SLC35F1: variants seen among roughly 807,000 people sequenced by gnomAD.
SLC35F1 encodes chromosome 6 open reading frame 169.
A neutral mutation model predicts 48.7 loss-of-function variants in SLC35F1; 14 were observed. The observed-to-expected ratio is 0.29, with a 90% CI of 0.19 to 0.45. The LOEUF is 0.45. Among genes scored for constraint, SLC35F1 ranks in the 20% least tolerant of loss-of-function variants. The probability of loss-of-function intolerance (pLI) is 1.00; values close to 1 mark genes in which losing one functional copy is unlikely to be tolerated. For missense variants in SLC35F1, 404 were observed against 500.0 expected (o/e 0.81, Z 1.83); for synonymous variants, 190 against 202.2 (o/e 0.94, Z 0.51).
intron 1 of SLC35F1, among the ~76,000 whole-genome samples, chr6:118,019,555 G>A (rs143893923): frequency 0.01 from 1,562 of 152,282 alleles, 73 homozygotes; most frequent in Admixed American, 0.086. Flanking sequence ...CTGGGAGGCA[G>A]AGGGTGCAGT....
At chr6:118,298,598 C>G (rs777484926) in intron 7 of SLC35F1, among the ~76,000 whole-genome samples, 3 of 152,152 alleles carry the variant, frequency 2.0e-5, no homozygotes, top group Non-Finnish European at 2.9e-5. Context: ...CACCCAAACA[C>G]CACTTCAATA....
chr6:118,033,446 T>C (rs897146363), intron 1 of SLC35F1, among the ~76,000 whole-genome samples: 2 of 152,192 alleles, frequency 1.3e-5, no homozygotes, highest in African/African-American at 4.8e-5. Context: ...ATAAAACCTC[T>C]GAGGCATTAT....
intron 1 of SLC35F1, among the ~76,000 whole-genome samples, chr6:118,116,274 CA>C (rs778584674): frequency 2.0e-5 from 3 of 152,126 alleles, no homozygotes; most frequent in Non-Finnish European, 4.4e-5. Context: ...AAGTTATCGG[CA>C]GATTTGTTTA....
At chr6:118,092,457 C>T (rs375137021) in intron 1 of SLC35F1, among the ~76,000 whole-genome samples, 2 of 152,340 alleles carry the variant, frequency 1.3e-5, no homozygotes. Context: ...TCTGCTAGGG[C>T]TATGTGAAAG....
intron 1 of SLC35F1, among the ~76,000 whole-genome samples, chr6:118,092,927 C>T (rs1773095950): frequency 6.6e-6 from 1 of 152,118 alleles, no homozygotes. Flanking sequence ...AAAGGACTTG[C>T]CTTGTCTCAG....
intron 2 of SLC35F1, among the ~76,000 whole-genome samples, chr6:118,188,488 T>G (rs1213546123): frequency 1.3e-5 from 2 of 151,382 alleles, no homozygotes; most frequent in African/African-American, 4.9e-5. Context: ...AGGCAGAGGT[T>G]GCGGTGAGCC....
At chr6:118,059,536 T>A (rs1772507678) in intron 1 of SLC35F1, among the ~76,000 whole-genome samples, 1 of 152,198 alleles carries the variant, frequency 6.6e-6, no homozygotes, top group Admixed American at 6.6e-5. Flanking sequence ...TTCCAAAACC[T>A]CAGTGGCTTA....
At chr6:118,141,300 G>A (rs1773885830) in intron 1 of SLC35F1, among the ~76,000 whole-genome samples, 1 of 152,182 alleles carries the variant, frequency 6.6e-6, no homozygotes, top group Admixed American at 6.5e-5. Flanking sequence ...ACTGCATACA[G>A]TATTCAGTAC....
intron 7 of SLC35F1, among the ~76,000 whole-genome samples, chr6:118,296,618 GTACAAAAATCTAT>G (rs1776187770): frequency 6.6e-6 from 1 of 152,182 alleles, no homozygotes; most frequent in Non-Finnish European, 1.5e-5. Context: ...AAAGTTCCTT[GTACAAAAATCTAT>G]TCATGAACTC....
chr6:118,085,388 A>G (rs2114329971), intron 1 of SLC35F1, among the ~76,000 whole-genome samples: 1 of 150,112 alleles, frequency 6.7e-6, no homozygotes, highest in South Asian at 2.2e-4. Context: ...CAAATTCATT[A>G]GTAATGTCCT....
intron 1 of SLC35F1, among the ~76,000 whole-genome samples, chr6:118,076,250 A>G (rs763800507): frequency 6.6e-6 from 1 of 152,230 alleles, no homozygotes; most frequent in Non-Finnish European, 1.5e-5. Flanking sequence ...TAATGTTTAC[A>G]TTTAAATACT....
At chr6:118,292,318 G>A (rs1037888357) in intron 7 of SLC35F1, among the ~76,000 whole-genome samples, 1 of 152,110 alleles carries the variant, frequency 6.6e-6, no homozygotes, top group Non-Finnish European at 1.5e-5. Flanking sequence ...AAGTTTACGA[G>A]CTTATTGCTA....
intron 2 of SLC35F1, 135 bp downstream of exon 2, chr6:118,154,755 G>T (rs1024597694): frequency 2.5e-6 from 2 of 793,228 alleles, no homozygotes; most frequent in African/African-American, 1.7e-5. Flanking sequence ...TTTCTATTTT[G>T]CAGTAATACA....
rs1373469649 is a variant in SLC35F1, at chr6:118,261,763, T to C, written c.478-5232T>C. On this transcript the variant is annotated intron_variant, in intron 3 of 7. Transcript: ENST00000360388. ...GGGCTGTAGCAGCTGGCCACCCACT[T>C]GGCAGGGGTGAGGCAGAAGCACCGA... Among the ~76,000 whole-genome samples the C allele has an allele frequency of 2.0e-5, 3 of 152,114 alleles. 1 individual carries two copies. Among genetic ancestry groups the C allele is most frequent in the Non-Finnish European group, 4.4e-5 (3 of 68,020 alleles).
chr6:117,966,476 C>T (rs1390852143), intron 1 of SLC35F1, among the ~76,000 whole-genome samples: 1 of 151,466 alleles, frequency 6.6e-6, no homozygotes, highest in African/African-American at 2.4e-5. Context: ...CCTTTATGAA[C>T]TGTAACACTC....
intron 2 of SLC35F1, among the ~76,000 whole-genome samples, chr6:118,186,252 G>A (rs943840180): frequency 1.3e-5 from 2 of 152,096 alleles, no homozygotes; most frequent in Non-Finnish European, 2.9e-5. Flanking sequence ...CTCTAGGAGA[G>A]GAGTAAGAAG....
intron 7 of SLC35F1, among the ~76,000 whole-genome samples, chr6:118,305,469 A>G (rs567977130): frequency 6.6e-6 from 1 of 152,120 alleles, no homozygotes; most frequent in South Asian, 2.1e-4. Flanking sequence ...TCCCTTTTCA[A>G]CTTGGCATCA....
chr6:118,154,868 T>G (rs2114469545), intron 2 of SLC35F1, among the ~76,000 whole-genome samples: 1 of 152,328 alleles, frequency 6.6e-6, no homozygotes, highest in Middle Eastern at 3.4e-3. Context: ...TGCTCACTTT[T>G]TGAATCCCCG....
At chr6:118,234,068 A>T (rs1345605084) in intron 2 of SLC35F1, among the ~76,000 whole-genome samples, 1 of 152,208 alleles carries the variant, frequency 6.6e-6, no homozygotes, top group Admixed American at 6.5e-5. Context: ...CTAAGAGCAG[A>T]AATAAGTAGC....
Sources: allele counts gnomAD v4.1 joint callset (sites outside exome capture counted in the v4.1 genomes callset), GRCh38; gene constraint gnomAD v4.1.1; transcripts MANE v1.5; gene names NCBI Gene and HGNC (gene_info 2026-07-23, HGNC 2026-07-21).